Variants in ANK2 observed in about 807,000 individuals in gnomAD.
ANK2 encodes ankyrin-2.
Under a neutral mutation model 360.5 loss-of-function variants are expected in ANK2, and 83 were observed. The observed-to-expected ratio is 0.23, with a 90% CI of 0.19 to 0.28. The LOEUF is 0.28. Ranked by LOEUF, ANK2 falls within the 10% of genes least tolerant of loss-of-function variation. The pLI, the probability that ANK2 is intolerant of heterozygous loss-of-function variation, is 1.00. For synonymous variants in ANK2, 1,740 were observed against 1,759.5 expected (o/e 0.99, Z 0.28); for missense variants, 4,201 against 4,795.7 (o/e 0.88, Z 3.66).
chr4:113,151,901 CAAAAA>C (rs34604677), intron 1 of ANK2, among the ~76,000 whole-genome samples: 17,729 of 108,268 alleles, frequency 0.16, 1,979 homozygotes, highest in East Asian at 0.51. Context: ...CCCATCTCTA[CAAAAA>C]AAAAAAAAAA....
the ANK2 span, among the ~76,000 whole-genome samples, chr4:112,762,403 GA>G: frequency 1.3e-5 from 2 of 152,072 alleles, no homozygotes; most frequent in Non-Finnish European, 1.5e-5. Flanking sequence ...TGATCCTATT[GA>G]TTTTTTTACT....
intron 23 of ANK2, 81 bp downstream of exon 23, chr4:113,302,920 C>A: frequency 8.5e-7 from 1 of 1,182,966 alleles, no homozygotes; most frequent in Non-Finnish European, 1.3e-6. Flanking sequence ...AGAGACCAAG[C>A]TGGTTATGTG....
At chr4:112,939,521 G>T (rs1015231169) in intron 2 of ANK2, among the ~76,000 whole-genome samples, 2 of 151,424 alleles carry the variant, frequency 1.3e-5, no homozygotes, top group East Asian at 3.9e-4. Flanking sequence ...CGCCATGTTG[G>T]CCAGGCTGGT....
chr4:113,266,743 G>A (rs186692275), intron 14 of ANK2, among the ~76,000 whole-genome samples: 1 of 152,294 alleles, frequency 6.6e-6, no homozygotes, highest in African/African-American at 2.4e-5. Context: ...CTGCTATGGT[G>A]GCACATGCCT....
chr4:113,314,479 T>C (rs2081735117), intron 24 of ANK2, among the ~76,000 whole-genome samples: 2 of 152,094 alleles, frequency 1.3e-5, no homozygotes, highest in Admixed American at 6.5e-5. Flanking sequence ...CCCTAGTACA[T>C]CCCCTAGATG....
At chr4:112,739,190 C>A in the ANK2 span, 1 of 333,888 alleles carries the variant, frequency 3.0e-6, no homozygotes, top group Non-Finnish European at 5.7e-6. Context: ...CTCCTACATT[C>A]TAGAAGAGTC....
At chr4:113,372,511 A>G in intron 43 of ANK2, 1 of 1,461,038 alleles carries the variant, frequency 6.8e-7, no homozygotes, top group Non-Finnish European at 9.3e-7. Flanking sequence ...TAAACAAAGC[A>G]ATGCTTCCAT....
chr4:112,722,267 C>T, the ANK2 span, among the ~76,000 whole-genome samples: 1 of 152,166 alleles, frequency 6.6e-6, no homozygotes, highest in African/African-American at 2.4e-5. Context: ...AACAGTATCT[C>T]CTTGCCTCAC....
intron 1 of ANK2, among the ~76,000 whole-genome samples, chr4:112,897,067 T>C (rs1248048120): frequency 1.3e-5 from 2 of 152,196 alleles, no homozygotes; most frequent in East Asian, 3.8e-4. Flanking sequence ...TGACAAGTCA[T>C]ATTTCTCTTA....
At chr4:113,021,334 A>G (rs541164154) in intron 2 of ANK2, among the ~76,000 whole-genome samples, 8 of 151,848 alleles carry the variant, frequency 5.3e-5, no homozygotes, top group East Asian at 1.9e-4. Context: ...TAACAGCTTC[A>G]TGGGTCTCTA....
chr4:113,092,126 G>A (rs1195749126), intron 1 of ANK2, among the ~76,000 whole-genome samples: 1 of 152,046 alleles, frequency 6.6e-6, no homozygotes, highest in African/African-American at 2.4e-5. Context: ...TTTGAATATA[G>A]CCAATGTGTG....
intron 17 of ANK2, among the ~76,000 whole-genome samples, chr4:113,280,559 ACT>A (rs924079315): frequency 5.9e-5 from 9 of 151,862 alleles, no homozygotes; most frequent in African/African-American, 2.2e-4. Flanking sequence ...TCCACTTTAG[ACT>A]CTCTTTCTGC....
intron 1 of ANK2, among the ~76,000 whole-genome samples, chr4:113,068,442 C>T (rs1205822055): frequency 6.6e-6 from 1 of 152,024 alleles, no homozygotes. Context: ...AACTCACATC[C>T]CATACAAACT....
At chr4:112,737,911 G>A in the ANK2 span, among the ~76,000 whole-genome samples, 1 of 152,204 alleles carries the variant, frequency 6.6e-6, no homozygotes, top group Non-Finnish European at 1.5e-5. Context: ...TCAGATTCAA[G>A]AAGAGATGGC....
the ANK2 span, among the ~76,000 whole-genome samples, chr4:112,708,640 A>G: frequency 6.6e-6 from 1 of 152,192 alleles, no homozygotes; most frequent in African/African-American, 2.4e-5. Flanking sequence ...AACCCTACCC[A>G]TTAGCAGGTG....
chr4:113,131,089 TG>T (rs1486485459), intron 1 of ANK2, among the ~76,000 whole-genome samples: 18 of 152,310 alleles, frequency 1.2e-4, no homozygotes, highest in African/African-American at 4.1e-4. Flanking sequence ...GTTTAAAAAC[TG>T]TAACAGTTTT....
intron 2 of ANK2, among the ~76,000 whole-genome samples, chr4:113,189,614 C>G (rs528916768): frequency 6.6e-6 from 1 of 152,262 alleles, no homozygotes; most frequent in East Asian, 1.9e-4. Flanking sequence ...TATTTCTTTA[C>G]TTGTGCCTCA....
At chr4:112,925,727 G>T (rs772431453) in intron 2 of ANK2, among the ~76,000 whole-genome samples, 2 of 152,218 alleles carry the variant, frequency 1.3e-5, no homozygotes, top group Non-Finnish European at 2.9e-5. Context: ...ACATAGAAGA[G>T]TTGGCTGTTA....
chr4:112,705,635 G>C, the ANK2 span, among the ~76,000 whole-genome samples: 41 of 152,356 alleles, frequency 2.7e-4, 1 homozygote, highest in Middle Eastern at 3.4e-3. Context: ...AGTGATGCGG[G>C]AGCGCCCGCG....
Sources: gnomAD v4.1 joint callset for allele counts (sites outside exome capture counted in the v4.1 genomes callset) on GRCh38, gnomAD v4.1.1 for gene constraint, MANE v1.5 for transcripts, NCBI Gene and HGNC (gene_info 2026-07-23, HGNC 2026-07-21) for gene names.